The following AFF4 variants were observed in gnomAD, a reference collection of about 807,000 sequenced individuals.
AFF4 encodes AF4/FMR2 family member 4.
AFF4 carries 13 observed loss-of-function variants against 124.8 expected under a neutral mutation model. The observed-to-expected ratio is 0.10, with a 90% confidence interval of 0.07 to 0.17. AFF4 has a LOEUF of 0.17. Among genes scored for constraint, AFF4 ranks in the 10% least tolerant of loss-of-function variants. AFF4 has a pLI of 1.00. For synonymous variants in AFF4, 477 were observed against 496.1 expected, an observed-to-expected ratio of 0.96 and a Z score of 0.51; for missense variants, 1,092 against 1,403.8, an observed-to-expected ratio of 0.78 and a Z score of 3.55.
intron 4 of AFF4, among the ~76,000 whole-genome samples, chr5:132,929,862 G>A (rs551239461): frequency 3.9e-5 from 6 of 152,326 alleles, no homozygotes; most frequent in Admixed American, 1.3e-4. Context: ...AGACATATGA[G>A]TAGGGAGATT....
Position 132,898,516 on chromosome 5 carries a change from C to T in AFF4, c.1227-124G>A. ...TTTTTTTTTTTTAGACGGAGTCTTG[C>T]TCTGTGGCCCAGGCTGGAATGCAGT... On this transcript the variant is annotated intron_variant, in intron 9 of 20. Transcript: ENST00000265343. 2.9e-6 allele frequency: 3 copies of T among 1,023,354 alleles called. No individual in the cohort carries two copies. The South Asian group carries it at 5.2e-5, about 18-fold the overall frequency. The allele number at this position is 1,023,354 out of a possible 1,614,324, so 63.4% of individuals were successfully genotyped here.
intron 1 of AFF4, among the ~76,000 whole-genome samples, chr5:132,945,941 T>C (rs1761688174): frequency 6.6e-6 from 1 of 151,710 alleles, no homozygotes; most frequent in Admixed American, 6.6e-5. Context: ...AAGCCTGTAA[T>C]CCCAGCTACT....
chr5:132,927,487 A>C (rs995253586), intron 4 of AFF4: 1 of 321,368 alleles, frequency 3.1e-6, no homozygotes, highest in African/African-American at 2.2e-5. Flanking sequence ...CAAGGCACAT[A>C]ATAAAACGCT....
chr5:132,946,760 T>C (rs914186569), intron 1 of AFF4, among the ~76,000 whole-genome samples: 1 of 152,218 alleles, frequency 6.6e-6, no homozygotes, highest in Non-Finnish European at 1.5e-5. Context: ...GAATTGTATA[T>C]GTAAAATTAT....
At chr5:132,959,428 G>A (rs924198862) in intron 1 of AFF4, among the ~76,000 whole-genome samples, 8 of 151,962 alleles carry the variant, frequency 5.3e-5, no homozygotes, top group African/African-American at 1.9e-4. Context: ...CAAGGTTACA[G>A]ATTTTTTTAA....
intron 2 of AFF4, among the ~76,000 whole-genome samples, chr5:132,935,945 G>A (rs532046608): frequency 2.7e-5 from 4 of 150,884 alleles, no homozygotes; most frequent in African/African-American, 9.7e-5. Context: ...AAAAACTTTT[G>A]AAGAACAGAA....
Position 132,896,355 on chromosome 5 carries a change from T to C in AFF4, c.2275A>G (p.Lys759Glu), listed in dbSNP as rs1283179955. 1 of 1,598,036 alleles carries C rather than the reference T, an allele frequency of 6.3e-7. No individual in the cohort carries two copies. Among genetic ancestry groups the C allele is most frequent in the Non-Finnish European group, 8.5e-7 (1 of 1,176,060 alleles). ...TREAQKQASE[K>E]VSNKGKRKHK... ...TTCCTCTTGCCTTTGTTGGAAACTT[T>C]TTCTGAGGCTTGTTTCTGAGCCTCT... The change falls in exon 11 of 21, where the codon AAA (lysine) becomes GAA (glutamate). Residue 759 changes from lysine to glutamate, a missense_variant. Physicochemically the swap from Lys to Glu is moderately conservative, Grantham distance 56. Around this residue, in one of 11 missense-constraint regions of AFF4, gnomAD observed 293 missense variants for 280.2 expected, o/e 1.05. Transcript: ENST00000265343.
chr5:132,927,350 C>T, intron 4 of AFF4, 143 bp from the exon 5 acceptor site: 2 of 667,844 alleles, frequency 3.0e-6, no homozygotes, highest in Non-Finnish European at 5.1e-6. Flanking sequence ...ATATTAAGCA[C>T]AATTGTGTGC....
At chr5:132,919,955 G>C (rs1232942120) in intron 5 of AFF4, among the ~76,000 whole-genome samples, 1 of 151,864 alleles carries the variant, frequency 6.6e-6, no homozygotes, top group East Asian at 1.9e-4. Flanking sequence ...ACTAGCCAGG[G>C]CAACACAGAG....
rs1471923761 is a variant in AFF4 at position 132,934,526 on chromosome 5, C to T, written c.539G>A (p.Ser180Asn). ...GSEHSKSRSS[S>N]PGKPQAVSSL... ...AGAAACAGCCTGGGGTTTTCCAGGG[C>T]TGGAAGAACGTGATTTGGAGTGTTC... The change falls in exon 3 of 21, where the codon AGC becomes AAC. Residue 180 changes from serine (S) to asparagine (N), a missense_variant. By Grantham distance (46) the Ser-to-Asn change is conservative (BLOSUM62 1). This residue lies in a region of AFF4 where 188 missense variants were observed against 203.0 expected (regional missense o/e 0.93). Transcript: ENST00000265343. 1 of 1,614,010 alleles carries T rather than the reference C, an allele frequency of 6.2e-7. No homozygotes were observed. Among genetic ancestry groups the T allele is most frequent in the East Asian group, 2.2e-5 (1 of 44,892 alleles).
At chr5:132,941,072 G>C (rs1761557811) in intron 1 of AFF4, among the ~76,000 whole-genome samples, 1 of 151,384 alleles carries the variant, frequency 6.6e-6, no homozygotes, top group Non-Finnish European at 1.5e-5. Flanking sequence ...ACCAGTTATA[G>C]TGCTTATTCT....
intron 4 of AFF4, among the ~76,000 whole-genome samples, chr5:132,928,840 C>T (rs1761239184): frequency 6.6e-6 from 1 of 152,134 alleles, no homozygotes; most frequent in Admixed American, 6.5e-5. Flanking sequence ...CTACTTGAAC[C>T]TCTTAAAACA....
chr5:132,921,587 G>A (rs1035431696), intron 5 of AFF4, among the ~76,000 whole-genome samples: 2 of 150,912 alleles, frequency 1.3e-5, no homozygotes, highest in Non-Finnish European at 2.9e-5. Flanking sequence ...TCCTGCCTTA[G>A]CCTCCAAGTA....
rs747040448 is a variant in AFF4, at chr5:132,899,580, G to C, written c.1188+7C>G. 1 of 1,609,482 alleles carries C rather than the reference G, an allele frequency of 6.2e-7. No individual in the cohort carries two copies. Among genetic ancestry groups the C allele is most frequent in the Non-Finnish European group, 8.5e-7 (1 of 1,177,352 alleles). On this transcript the variant is annotated splice_region_variant and intron_variant, in intron 8 of 20. Coordinates refer to ENST00000265343, the MANE Select transcript of AFF4 (RefSeq NM_014423.4). Reference sequence around the variant, plus strand: ...AGACTGGCAAAATAATACAATAGTAGACACACCTGTTCCCCATCACTGTCT... The same window carrying C: ...AGACTGGCAAAATAATACAATAGTACACACACCTGTTCCCCATCACTGTCT...
intron 11 of AFF4, among the ~76,000 whole-genome samples, chr5:132,893,682 C>T (rs1760319157): frequency 6.6e-6 from 1 of 152,130 alleles, no homozygotes; most frequent in Non-Finnish European, 1.5e-5. Flanking sequence ...GGGGTTTCAC[C>T]ATGGCCAGGA....
chr5:132,912,287 A>G (rs1393261672), intron 5 of AFF4, among the ~76,000 whole-genome samples: 1 of 151,792 alleles, frequency 6.6e-6, no homozygotes, highest in Non-Finnish European at 1.5e-5. Flanking sequence ...GGTTGCAGTG[A>G]GCCAAGATTG....
In AFF4 at chr5:132,887,598, G is replaced by A. The variant is rs748606732; in HGVS notation, c.2934-6C>T. 5.0e-6 allele frequency: 8 copies of A among 1,608,570 alleles called. No individual in the cohort carries two copies. The East Asian group carries it at 1.3e-4, about 27-fold the overall frequency. Reference sequence around the variant, plus strand: ...TCTTTAGCTTCATAGTGTATCTGTTGAGTTACAATAACAAACAAATGACAA... The same window carrying A: ...TCTTTAGCTTCATAGTGTATCTGTTAAGTTACAATAACAAACAAATGACAA... On this transcript the variant is annotated splice_polypyrimidine_tract_variant and splice_region_variant and intron_variant, in intron 16 of 20. Coordinates refer to ENST00000265343, the MANE Select transcript of AFF4 (RefSeq NM_014423.4).
At chr5:132,944,522 C>A (rs1227174729) in intron 1 of AFF4, among the ~76,000 whole-genome samples, 1 of 152,064 alleles carries the variant, frequency 6.6e-6, no homozygotes, top group East Asian at 1.9e-4. Context: ...TGGCATGCGT[C>A]TGTGGTCCCA....
Position 132,897,023 on chromosome 5 carries a change from A to G in AFF4, c.1607T>C (p.Ile536Thr), listed in dbSNP as rs758176356. ...SATPGRDSKTIQKGSESGRGR... is the reference protein window; with the variant it reads ...SATPGRDSKTTQKGSESGRGR... The stretch of plus-strand genomic sequence containing the variant: ...ACGCCCACTTTCTGATCCCTTTTGG[A>G]TGGTTTTGGAGTCTCGTCCCGGAGT... The change falls in exon 11 of 21, where the codon ATC (isoleucine) becomes ACC (threonine). Residue 536 changes from isoleucine to threonine, a missense_variant. By Grantham distance (89) the Ile-to-Thr change is moderately conservative. Around this residue, in one of 11 missense-constraint regions of AFF4, gnomAD observed 174 missense variants for 205.9 expected, o/e 0.84. Coordinates refer to ENST00000265343, the MANE Select transcript of AFF4 (RefSeq NM_014423.4). 1.3e-4 allele frequency: 202 copies of G among 1,613,626 alleles called. No individual in the cohort carries two copies. Among genetic ancestry groups the G allele is most frequent in the Non-Finnish European group, 1.6e-4 (190 of 1,179,964 alleles).
Sources: allele counts gnomAD v4.1 joint callset (sites outside exome capture counted in the v4.1 genomes callset), GRCh38; gene constraint gnomAD v4.1.1; regional missense constraint gnomAD v4.1.1; transcripts MANE v1.5; gene names NCBI Gene and HGNC (gene_info 2026-07-23, HGNC 2026-07-21).